RCAN1: variants seen among roughly 807,000 people sequenced by gnomAD.
RCAN1 encodes calcipressin-1.
A neutral mutation model predicts 22.9 loss-of-function variants in RCAN1; 11 were observed. The ratio of observed to expected loss-of-function variants is 0.48; its 90% CI spans 0.30 to 0.79. RCAN1 has a LOEUF of 0.79. RCAN1 is among the 30% of genes least tolerant of loss of function. The pLI, the probability that RCAN1 is intolerant of heterozygous loss-of-function variation, is 0.06. For missense variants in RCAN1, 291 were observed against 337.8 expected (o/e 0.86, Z 1.09); for synonymous variants, 136 against 142.3 (o/e 0.96, Z 0.32).
intron 1 of RCAN1, among the ~76,000 whole-genome samples, chr21:34,539,175 A>C (rs947072691): frequency 2.1e-4 from 32 of 152,360 alleles, no homozygotes; most frequent in African/African-American, 7.2e-4. Context: ...ATTTATTCTA[A>C]AGAAATCCTC....
rs1304260043 is a variant in RCAN1, at chr21:34,610,907, G to GT, written c.252+3852dup. Reference sequence around the variant, plus strand: ...CACAAATCTTAGGTGAGTTGTTTTTGTTTTTTTTAGGTAAGTTTACTCAAG... The same window carrying GT: ...CACAAATCTTAGGTGAGTTGTTTTTGTTTTTTTTTAGGTAAGTTTACTCAAG... On this transcript the variant is annotated intron_variant, in intron 1 of 3. Coordinates refer to ENST00000313806, the MANE Select transcript of RCAN1 (RefSeq NM_004414.7). Among the ~76,000 whole-genome samples, 5 of 151,628 alleles carry GT rather than the reference G, an allele frequency of 3.3e-5. No individual in the cohort carries two copies. In the South Asian group the frequency reaches 1.0e-3, roughly 32 times the overall value.
intron 1 of RCAN1, among the ~76,000 whole-genome samples, chr21:34,606,831 G>C (rs557191235): frequency 6.6e-6 from 1 of 152,202 alleles, no homozygotes; most frequent in Non-Finnish European, 1.5e-5. Context: ...TCACCAGAAA[G>C]AGACCATGCT....
At chr21:34,603,185 G>A (rs913704961) in intron 1 of RCAN1, among the ~76,000 whole-genome samples, 5 of 152,204 alleles carry the variant, frequency 3.3e-5, no homozygotes, top group Non-Finnish European at 5.9e-5. Context: ...AAGTCAACCA[G>A]CAAGCTCCAC....
At chr21:34,549,804 T>TCATC (rs901292881) in intron 1 of RCAN1, among the ~76,000 whole-genome samples, 10 of 152,018 alleles carry the variant, frequency 6.6e-5, no homozygotes, top group Admixed American at 1.3e-4. Context: ...TGTCCATCCA[T>TCATC]CATCCATCCA....
At chr21:34,613,924 T>G in intron 1 of RCAN1, 1 of 1,235,880 alleles carries the variant, frequency 8.1e-7, no homozygotes, top group Non-Finnish European at 1.1e-6. Context: ...GGGGCATCTC[T>G]CAAAGACCGG....
intron 1 of RCAN1, among the ~76,000 whole-genome samples, chr21:34,586,388 TAA>T (rs11347653): frequency 6.7e-6 from 1 of 149,838 alleles, no homozygotes; most frequent in African/African-American, 2.4e-5. Context: ...TCAATAACAT[TAA>T]AAAAAAAACC....
At chr21:34,542,192 G>A (rs994174755) in intron 1 of RCAN1, among the ~76,000 whole-genome samples, 13 of 152,130 alleles carry the variant, frequency 8.5e-5, no homozygotes, top group Admixed American at 2.0e-4. Flanking sequence ...CTGCAACACT[G>A]TCTCCTACTC....
chr21:34,607,173 C>A (rs1988551846), intron 1 of RCAN1, among the ~76,000 whole-genome samples: 1 of 152,106 alleles, frequency 6.6e-6, no homozygotes, highest in South Asian at 2.1e-4. Context: ...TTCCCGAGTT[C>A]TTTGTTCAGA....
intron 1 of RCAN1, among the ~76,000 whole-genome samples, chr21:34,546,373 G>GTT (rs71194897): frequency 3.6e-5 from 5 of 137,812 alleles, no homozygotes; most frequent in African/African-American, 2.6e-5. Context: ...TTACTTATTA[G>GTT]TTTTTTTTTT....
chr21:34,553,593 T>C (rs1986449811), intron 1 of RCAN1, among the ~76,000 whole-genome samples: 1 of 152,170 alleles, frequency 6.6e-6, no homozygotes, highest in African/African-American at 2.4e-5. Context: ...AGTGGAACAA[T>C]ATATAAAACC....
intron 1 of RCAN1, chr21:34,525,441 A>C: frequency 7.2e-7 from 1 of 1,384,170 alleles, no homozygotes; most frequent in East Asian, 2.6e-5. Flanking sequence ...CTTTTTCCCC[A>C]CCTCTCTTGA....
At chr21:34,556,096 A>ATAAATAAATAAG (rs1321238080) in intron 1 of RCAN1, among the ~76,000 whole-genome samples, 1 of 70,478 alleles carries the variant, frequency 1.4e-5, no homozygotes, top group Non-Finnish European at 2.6e-5. Flanking sequence ...AAATAAATAA[A>ATAAATAAATAAG]TAATTAAAGG....
intron 1 of RCAN1, among the ~76,000 whole-genome samples, chr21:34,567,958 A>AT (rs774282331): frequency 0.014 from 2,123 of 152,338 alleles, 30 homozygotes; most frequent in Middle Eastern, 0.034. Context: ...ATGTCAAAGT[A>AT]AGGACCAAAT....
chr21:34,551,908 G>A (rs1986383037), intron 1 of RCAN1, among the ~76,000 whole-genome samples: 1 of 152,200 alleles, frequency 6.6e-6, no homozygotes, highest in African/African-American at 2.4e-5. Flanking sequence ...AGTCAATGGA[G>A]AAAGGAAGGC....
At chr21:34,558,804 C>T (rs1056030362) in intron 1 of RCAN1, among the ~76,000 whole-genome samples, 5 of 152,122 alleles carry the variant, frequency 3.3e-5, no homozygotes, top group Non-Finnish European at 2.9e-5. Flanking sequence ...TCCTGGATCT[C>T]GCCCTGTCTG....
chr21:34,546,315 C>T (rs1444971159), intron 1 of RCAN1, among the ~76,000 whole-genome samples: 6 of 151,832 alleles, frequency 4.0e-5, no homozygotes, highest in Non-Finnish European at 8.8e-5. Flanking sequence ...AAGAAAATGA[C>T]ATTAAAATGC....
chr21:34,595,723 G>A (rs1472823557), intron 1 of RCAN1, among the ~76,000 whole-genome samples: 2 of 152,224 alleles, frequency 1.3e-5, no homozygotes, highest in African/African-American at 4.8e-5. Context: ...GCCTTCGCCG[G>A]CCACTGGAAG....
At chr21:34,543,076 C>G (rs1227524184) in intron 1 of RCAN1, among the ~76,000 whole-genome samples, 2 of 152,214 alleles carry the variant, frequency 1.3e-5, no homozygotes, top group Non-Finnish European at 2.9e-5. Context: ...GACCTAATGC[C>G]TACATTGAGG....
rs190409687 is a variant in RCAN1 at position 34,537,801 on chromosome 21, C to T, written c.253-14091G>A. On this transcript the variant is annotated intron_variant, in intron 1 of 3. Coordinates refer to ENST00000313806, the MANE Select transcript of RCAN1 (RefSeq NM_004414.7). ...TACACCGAATTATACATGGAGAGGGCATGGCCCTCACTCCCACATGGTAAT... is the reference window on the plus strand; with the variant it reads ...TACACCGAATTATACATGGAGAGGGTATGGCCCTCACTCCCACATGGTAAT... 3.9e-5 allele frequency among the ~76,000 whole-genome samples: 6 copies of T among 152,082 alleles called. No individual in the cohort carries two copies. In the East Asian group the frequency reaches 1.2e-3, roughly 29 times the overall value.
Sources: allele counts gnomAD v4.1 joint callset (sites outside exome capture counted in the v4.1 genomes callset), GRCh38; gene constraint gnomAD v4.1.1; transcripts MANE v1.5; gene names NCBI Gene and HGNC (gene_info 2026-07-23, HGNC 2026-07-21).